Variants in ARAP2 observed in about 807,000 individuals in gnomAD.
ARAP2 encodes the protein arf-GAP with Rho-GAP domain, ANK repeat and PH domain-containing protein 2.
ARAP2 carries 148 observed loss-of-function variants against 194.5 expected under a neutral mutation model. The ratio of observed to expected loss-of-function variants is 0.76; its 90% CI spans 0.67 to 0.87. The LOEUF (loss-of-function observed/expected upper bound fraction) is 0.87, where lower values mean the gene tolerates loss of function less well. Among genes scored for constraint, ARAP2 ranks in the 40% least tolerant of loss-of-function variants. The pLI is 0.00. For missense variants in ARAP2, 2,128 were observed against 1,989.7 expected (o/e 1.07, Z -1.32); for synonymous variants, 695 against 683.5 (o/e 1.02, Z -0.26).
intron 2 of ARAP2, among the ~76,000 whole-genome samples, chr4:36,215,072 G>C (rs1747613024): frequency 6.6e-6 from 1 of 152,132 alleles, no homozygotes; most frequent in South Asian, 2.1e-4. Context: ...TAGAAGCAGA[G>C]GGTGATGAAG....
At chr4:36,153,069 C>T (rs1318693864) in intron 15 of ARAP2, among the ~76,000 whole-genome samples, 1 of 152,158 alleles carries the variant, frequency 6.6e-6, no homozygotes, top group Non-Finnish European at 1.5e-5. Context: ...TAATGGGAAA[C>T]AAATGACAGA....
intron 21 of ARAP2, among the ~76,000 whole-genome samples, chr4:36,127,148 A>G (rs1042428578): frequency 1.3e-5 from 2 of 152,082 alleles, no homozygotes; most frequent in Non-Finnish European, 2.9e-5. Context: ...GCCATGTACT[A>G]CTGATAACCA....
chr4:36,031,390 G>A (rs1050126493), intron 5 of ARAP2, among the ~76,000 whole-genome samples: 6 of 152,134 alleles, frequency 3.9e-5, no homozygotes, highest in Admixed American at 6.6e-5. Flanking sequence ...ATACTAAGAA[G>A]CTTAGTCACT....
intron 23 of ARAP2, among the ~76,000 whole-genome samples, chr4:36,120,969 T>C (rs1047487866): frequency 4.6e-4 from 70 of 151,648 alleles, no homozygotes; most frequent in African/African-American, 1.6e-3. Flanking sequence ...TATCAGATGG[T>C]AAAAAGTTTT....
At chr4:36,030,754 A>G (rs1268930466) in intron 5 of ARAP2, among the ~76,000 whole-genome samples, 4 of 146,602 alleles carry the variant, frequency 2.7e-5, no homozygotes, top group Admixed American at 6.7e-5. Context: ...TTTACCTTCA[A>G]TTCTTTCTTA....
At chr4:36,083,215 A>C (rs981012808) in intron 29 of ARAP2, among the ~76,000 whole-genome samples, 153 bp downstream of exon 29, 57 of 152,126 alleles carry the variant, frequency 3.7e-4, no homozygotes, top group Non-Finnish European at 3.8e-4. Flanking sequence ...TTGATCTGCC[A>C]TAAGAACCCT....
At position 36,082,281 on chromosome 4, in the gene ARAP2, C is replaced by T. The variant is rs144848991; in HGVS notation, c.4514G>A (p.Gly1505Glu). The change falls in exon 30 of 33, where the codon GGA becomes GAA. Residue 1505 changes from glycine to glutamate, a missense_variant. By Grantham distance (98) the Gly-to-Glu change is moderately conservative. Coordinates refer to ENST00000303965, the MANE Select transcript of ARAP2 (RefSeq NM_015230.4). ...ATGTTTCTCAGAATATGCGGTCAAT[C>T]CCCAGCTGCATCACATAGAAAAAAA... The part of the protein sequence containing the change: ...KKKMKPPTSW[G>E]LTAYSEKHHW... The T allele has an allele frequency of 3.1e-6, 5 of 1,609,822 alleles. No individual in the cohort carries two copies. The highest frequency in any genetic ancestry group is 1.1e-5 in the South Asian group (1 of 89,902).
chr4:36,063,174 A>G (rs2109280981), downstream of ARAP2, among the ~76,000 whole-genome samples: 1 of 152,258 alleles, frequency 6.6e-6, no homozygotes, highest in South Asian at 2.1e-4. Flanking sequence ...TGATTAAAGG[A>G]AAAGTATGTA....
chr4:36,204,772 C>T (rs1447830356), intron 6 of ARAP2, among the ~76,000 whole-genome samples: 2 of 151,856 alleles, frequency 1.3e-5, no homozygotes, highest in East Asian at 1.9e-4. Flanking sequence ...GGGTAGATCA[C>T]GAGGTCAGGA....
chr4:36,040,337 A>C (rs1720640032), intron 5 of ARAP2, among the ~76,000 whole-genome samples: 1 of 152,184 alleles, frequency 6.6e-6, no homozygotes, highest in Non-Finnish European at 1.5e-5. Flanking sequence ...AAGTAATACT[A>C]ACTGTTGGGA....
Position 36,229,508 on chromosome 4 carries a change from C to G in ARAP2, c.-22G>C. ...ACATAATGGTGGCTTCATTACTAAG[C>G]TGAGTTACAAAAAGTGGCACGATGA... On this transcript the variant is annotated 5_prime_UTR_variant, in exon 2 of 33. Transcript: ENST00000303965. The G allele has an allele frequency of 1.3e-6, 2 of 1,561,968 alleles. No individual in the cohort carries two copies. The highest frequency in any genetic ancestry group is 1.4e-5 in the African/African-American group (1 of 73,392).
chr4:36,212,267 G>T, intron 5 of ARAP2, 129 bp downstream of exon 5: 1 of 661,346 alleles, frequency 1.5e-6, no homozygotes, highest in Non-Finnish European at 2.4e-6. Context: ...TACATTTAGA[G>T]AGGAAAAAAT....
At chr4:36,106,488 T>C (rs1718446550) in intron 27 of ARAP2, among the ~76,000 whole-genome samples, 1 of 151,954 alleles carries the variant, frequency 6.6e-6, no homozygotes, top group Admixed American at 6.6e-5. Flanking sequence ...TAAAAGACAG[T>C]GTATTAAATC....
chr4:36,058,145 T>C lies in ARAP2; in HGVS notation n.148-2A>G, dbSNP rs185004306. 3.3e-5 allele frequency: 5 copies of C among 152,324 alleles called. No homozygotes were observed. The East Asian group carries it at 9.6e-4, about 29-fold the overall frequency. 9.4% of individuals were successfully genotyped at this position (152,324 alleles called of 1,614,324 possible). ...GCTTGTATGCTCACAAGGGTCTCTC[T>C]GCATGATAGTAAATACAATTGAATT... On this transcript the variant is annotated splice_acceptor_variant and non_coding_transcript_variant, in intron 1 of 12. Transcript: ENST00000503225.
chr4:36,241,785 T>A (rs1753563947), intron 1 of ARAP2, among the ~76,000 whole-genome samples: 1 of 152,186 alleles, frequency 6.6e-6, no homozygotes, highest in Non-Finnish European at 1.5e-5. Flanking sequence ...GGTTTTATAT[T>A]TTAGTATTGT....
At chr4:36,129,435 A>C (rs1724849253) in intron 20 of ARAP2, among the ~76,000 whole-genome samples, 1 of 151,812 alleles carries the variant, frequency 6.6e-6, no homozygotes, top group African/African-American at 2.4e-5. Context: ...TCTCTGCCCA[A>C]TCCCCATTCT....
intron 23 of ARAP2, among the ~76,000 whole-genome samples, 145 bp downstream of exon 23, chr4:36,121,022 CTTATATCTATAA>C (rs1168518365): frequency 1.3e-5 from 2 of 151,602 alleles, no homozygotes; most frequent in African/African-American, 4.8e-5. Flanking sequence ...TTAAAAGCTA[CTTATATCTATAA>C]TTTAAAAAAA....
intron 8 of ARAP2, among the ~76,000 whole-genome samples, chr4:36,186,455 A>G (rs1242004544): frequency 6.6e-6 from 1 of 152,266 alleles, no homozygotes; most frequent in Non-Finnish European, 1.5e-5. Context: ...TTCAAGAAAT[A>G]TAAAAGATGC....
rs114696025 is a variant in ARAP2 at position 36,133,827 on chromosome 4, C to T, written c.3264-438G>A. On this transcript the variant is annotated intron_variant, in intron 19 of 32. Transcript: ENST00000303965. The stretch of plus-strand genomic sequence containing the variant: ...ATCATTCTGGTCACTTAGTCTCTTT[C>T]CCAATCTCACTTCCTCTTTCTGAAT... Among the ~76,000 whole-genome samples, 751 of 151,860 alleles carry T rather than the reference C, an allele frequency of 4.9e-3. 6 individuals are homozygous for T. The highest frequency in any genetic ancestry group is 8.7e-3 in the Non-Finnish European group (592 of 67,820).
Sources: allele counts gnomAD v4.1 joint callset (sites outside exome capture counted in the v4.1 genomes callset), GRCh38; gene constraint gnomAD v4.1.1; transcripts MANE v1.5; gene names NCBI Gene and HGNC (gene_info 2026-07-23, HGNC 2026-07-21).